The following SS18 variants were observed in gnomAD, a reference collection of about 807,000 sequenced individuals.
SS18 encodes SS18 subunit of BAF chromatin remodeling complex.
Under a neutral mutation model 72.5 loss-of-function variants are expected in SS18, and 28 were observed. The ratio of observed to expected loss-of-function variants is 0.39; its 90% CI spans 0.29 to 0.53. The LOEUF (loss-of-function observed/expected upper bound fraction) is 0.53, where lower values mean the gene tolerates loss of function less well. Among genes scored for constraint, SS18 ranks in the 20% least tolerant of loss-of-function variants. SS18 has a pLI of 0.76. For synonymous variants in SS18, 172 were observed against 164.2 expected, an observed-to-expected ratio of 1.05 and a Z score of -0.37; for missense variants, 518 against 535.3, an observed-to-expected ratio of 0.97 and a Z score of 0.32.
chr18:26,061,954 A>C (rs9953096), intron 3 of SS18, among the ~76,000 whole-genome samples: 8,869 of 152,190 alleles, frequency 0.058, 754 homozygotes, highest in African/African-American at 0.19. Flanking sequence ...AAAGTATAGG[A>C]CAAGACACAC....
intron 1 of SS18, 45 bp from the exon 2 acceptor site, chr18:26,087,622 A>G (rs1397954711): frequency 8.7e-7 from 1 of 1,146,880 alleles, no homozygotes; most frequent in Non-Finnish European, 1.3e-6. Flanking sequence ...TAGTGCATCA[A>G]GTAAAATAAA....
At chr18:26,020,136 T>C (rs968695509) in intron 10 of SS18, among the ~76,000 whole-genome samples, 3 of 152,312 alleles carry the variant, frequency 2.0e-5, no homozygotes, top group Non-Finnish European at 2.9e-5. Flanking sequence ...CATTGTTAGA[T>C]TGTCTAAATA....
chr18:26,044,238 ATACTT>A (rs1186236233), intron 5 of SS18, among the ~76,000 whole-genome samples: 6 of 152,172 alleles, frequency 3.9e-5, no homozygotes, highest in African/African-American at 1.4e-4. Context: ...ATAGGCTACT[ATACTT>A]AAGTGAATTT....
At position 26,016,735 on chromosome 18, in the gene SS18, CAAAG is replaced by C. The variant is rs2053258172; in HGVS notation, c.*1615_*1618del. The C allele has an allele frequency of 4.5e-6, 1 of 221,440 alleles. No homozygotes were observed. Among genetic ancestry groups the C allele is most frequent in the African/African-American group, 2.2e-5 (1 of 44,538 alleles). The allele number at this position is 221,440 out of a possible 1,614,324, so 13.7% of individuals were successfully genotyped here. A position where few individuals can be genotyped will look rare whatever the true frequency, so the allele number is the denominator to read the frequency against. Reference sequence around the variant, plus strand: ...CAAGACTCCATCTCAAAAAAAAAAACAAAGAACAAAAAACAAAAACAAAAAAACC... The same window carrying C: ...CAAGACTCCATCTCAAAAAAAAAAACAACAAAAAACAAAAACAAAAAAACC... On this transcript the variant is annotated 3_prime_UTR_variant, in exon 11 of 11. Coordinates refer to ENST00000415083, the MANE Select transcript of SS18 (RefSeq NM_001007559.3).
intron 2 of SS18, among the ~76,000 whole-genome samples, chr18:26,082,100 A>G (rs961704526): frequency 9.2e-5 from 14 of 152,024 alleles, no homozygotes; most frequent in Middle Eastern, 3.2e-3. Context: ...TGATATGAGG[A>G]AAAAAAGGAG....
At chr18:26,050,281 T>G (rs760372207) in intron 5 of SS18, among the ~76,000 whole-genome samples, 46 of 150,422 alleles carry the variant, frequency 3.1e-4, no homozygotes, top group African/African-American at 1.1e-3. Context: ...CTGGAAGCAA[T>G]AGACCCTCTA....
chr18:26,052,691 T>G lies in SS18; in HGVS notation c.540A>C (p.Thr180=). The change falls in exon 5 of 11, where the codon ACA becomes ACC. Residue 180 remains threonine, a synonymous_variant. Coordinates refer to ENST00000415083, the MANE Select transcript of SS18 (RefSeq NM_001007559.3). ...SQSMPVQNQM[T]MSQGQPMGNY... ...TTCCCATTGGTTGTCCCTGACTCATTGTCATCTGATTCTGTACTGGCATGC... is the reference window on the plus strand; with the variant it reads ...TTCCCATTGGTTGTCCCTGACTCATGGTCATCTGATTCTGTACTGGCATGC... 6.2e-7 allele frequency: 1 copy of G among 1,614,154 alleles called. No homozygotes were observed. Among genetic ancestry groups the G allele is most frequent in the Non-Finnish European group, 8.5e-7 (1 of 1,179,994 alleles).
Position 26,037,630 on chromosome 18 carries a change from T to C in SS18, c.880+925A>G, listed in dbSNP as rs141715589. 3.9e-5 allele frequency among the ~76,000 whole-genome samples: 6 copies of C among 152,274 alleles called. No individual in the cohort carries two copies. The East Asian group carries it at 1.2e-3, about 29-fold the overall frequency. On this transcript the variant is annotated intron_variant, in intron 7 of 10. Transcript: ENST00000415083. ...AATTGTATCTTCTTGCTAGCTTACA[T>C]GGGCTGCTAGTCAATGGCTGCTAAT...
chr18:26,084,435 TATG>T (rs990238288), intron 2 of SS18, among the ~76,000 whole-genome samples: 2 of 152,142 alleles, frequency 1.3e-5, no homozygotes, highest in African/African-American at 4.8e-5. Flanking sequence ...TGTGTTGAAG[TATG>T]ATGAGAAACA....
At chr18:26,021,554 C>T (rs2053350347) in intron 10 of SS18, among the ~76,000 whole-genome samples, 1 of 152,028 alleles carries the variant, frequency 6.6e-6, no homozygotes, top group Non-Finnish European at 1.5e-5. Flanking sequence ...CCTCTGACTA[C>T]AGTATAAAGA....
chr18:26,039,468 CACA>C lies in SS18; in HGVS notation c.608-15_608-13del, dbSNP rs2053686853. 6.2e-7 allele frequency: 1 copy of C among 1,609,380 alleles called. No homozygotes were observed. The highest frequency in any genetic ancestry group is 8.5e-7 in the Non-Finnish European group (1 of 1,177,002). On this transcript the variant is annotated splice_polypyrimidine_tract_variant and intron_variant, in intron 5 of 10. Transcript: ENST00000415083. ...ATGCATCATTGGACCTGAAACAAGA[CACA>C]ACATTATACACATAATTTTTTGTAT... is the stretch of plus-strand genomic sequence containing the variant.
At chr18:26,038,443 A>T in intron 7 of SS18, 112 bp downstream of exon 7, 1 of 947,358 alleles carries the variant, frequency 1.1e-6, no homozygotes, top group Non-Finnish European at 1.7e-6. Context: ...TTCAAAATTT[A>T]GAGGAAACAA....
At chr18:26,041,781 A>G (rs1598552847) in intron 5 of SS18, among the ~76,000 whole-genome samples, 1 of 152,180 alleles carries the variant, frequency 6.6e-6, no homozygotes, top group Admixed American at 6.5e-5. Context: ...ATAACAAAAC[A>G]CTAAACCTTG....
At chr18:26,082,623 C>A in intron 2 of SS18, 3 of 541,424 alleles carry the variant, frequency 5.5e-6, no homozygotes, top group Non-Finnish European at 7.1e-6. Context: ...AACACATTCT[C>A]ACGTGTGTTA....
intron 3 of SS18, among the ~76,000 whole-genome samples, chr18:26,061,647 A>T (rs927988692): frequency 6.6e-6 from 1 of 152,144 alleles, no homozygotes; most frequent in Admixed American, 6.5e-5. Flanking sequence ...GACATCTGTA[A>T]AGTGCTAAGA....
At chr18:26,046,690 G>A (rs1217149767) in intron 5 of SS18, among the ~76,000 whole-genome samples, 1 of 151,962 alleles carries the variant, frequency 6.6e-6, no homozygotes, top group African/African-American at 2.4e-5. Flanking sequence ...TCATTTCTTT[G>A]TTGCACTTTT....
At chr18:26,081,704 C>A (rs1422005427) in intron 2 of SS18, among the ~76,000 whole-genome samples, 2 of 149,192 alleles carry the variant, frequency 1.3e-5, no homozygotes, top group Non-Finnish European at 2.9e-5. Context: ...TATTTTTATT[C>A]TATATATAGT....
At chr18:26,061,497 T>C (rs574707963) in intron 3 of SS18, among the ~76,000 whole-genome samples, 2 of 152,186 alleles carry the variant, frequency 1.3e-5, no homozygotes, top group South Asian at 2.1e-4. Flanking sequence ...AACCCAGATA[T>C]ATCAAAGTAT....
At chr18:26,072,765 C>T (rs754539775) in intron 3 of SS18, among the ~76,000 whole-genome samples, 21 of 138,870 alleles carry the variant, frequency 1.5e-4, no homozygotes, top group Non-Finnish European at 2.9e-4. Context: ...CCACTGCACT[C>T]CAGCCTGGGC....
Sources: allele counts gnomAD v4.1 joint callset (sites outside exome capture counted in the v4.1 genomes callset), GRCh38; gene constraint gnomAD v4.1.1; transcripts MANE v1.5; gene names NCBI Gene and HGNC (gene_info 2026-07-23, HGNC 2026-07-21).